Variants in TFDP2 observed in about 807,000 individuals in gnomAD.
TFDP2 encodes the protein transcription factor Dp-2.
A neutral mutation model predicts 59.3 loss-of-function variants in TFDP2; 17 were observed. That is an observed-to-expected ratio of 0.29 (90% CI 0.20 to 0.43). TFDP2 has a LOEUF of 0.43. Ranked by LOEUF, TFDP2 falls within the 20% of genes least tolerant of loss-of-function variation. The pLI is 1.00. For synonymous variants in TFDP2, 180 were observed against 194.7 expected, an observed-to-expected ratio of 0.92 and a Z score of 0.63; for missense variants, 391 against 528.8, an observed-to-expected ratio of 0.74 and a Z score of 2.56.
chr3:142,130,863 C>T (rs2062477622), intron 1 of TFDP2, among the ~76,000 whole-genome samples: 1 of 151,752 alleles, frequency 6.6e-6, no homozygotes, highest in East Asian at 1.9e-4. Flanking sequence ...ACCAGCCTGG[C>T]CAACATGGTG....
chr3:142,123,310 A>G (rs2062117549), intron 1 of TFDP2, among the ~76,000 whole-genome samples: 1 of 152,002 alleles, frequency 6.6e-6, no homozygotes, highest in Admixed American at 6.6e-5. Flanking sequence ...GATTTTTTGT[A>G]TTTTTAGTAG....
chr3:142,041,021 T>C (rs1946940112), intron 3 of TFDP2, among the ~76,000 whole-genome samples: 1 of 152,228 alleles, frequency 6.6e-6, no homozygotes, highest in South Asian at 2.1e-4. Context: ...CAAATTTTAA[T>C]CTGTCTCCTT....
intron 1 of TFDP2, among the ~76,000 whole-genome samples, chr3:142,133,094 C>T (rs2062577777): frequency 6.7e-6 from 1 of 150,222 alleles, no homozygotes; most frequent in Admixed American, 6.6e-5. Flanking sequence ...ACATTAAAAC[C>T]TACTATAAAG....
Position 142,060,184 on chromosome 3 carries a change from A to C in TFDP2, c.82+32877T>G, listed in dbSNP as rs57210429. Among the ~76,000 whole-genome samples, 412 of 152,260 alleles carry C rather than the reference A, an allele frequency of 2.7e-3. 6 individuals carry two copies. The highest frequency in any genetic ancestry group is 0.024 in the East Asian group (123 of 5,170). Reference sequence around the variant, plus strand: ...TGACTGTCTATATGAGGTTATCTTGAGAGAAAGTTCCACTTTGAAAATTTT... The same window carrying C: ...TGACTGTCTATATGAGGTTATCTTGCGAGAAAGTTCCACTTTGAAAATTTT... On this transcript the variant is annotated intron_variant, in intron 3 of 12. Transcript: ENST00000489671.
intron 3 of TFDP2, among the ~76,000 whole-genome samples, chr3:142,044,854 C>T (rs768605956): frequency 7.9e-5 from 12 of 152,140 alleles, no homozygotes; most frequent in Admixed American, 3.3e-4. Flanking sequence ...TCTTTACCTC[C>T]GTGTTCTTGG....
chr3:142,040,900 TAA>T (rs145523054), intron 3 of TFDP2, among the ~76,000 whole-genome samples: 2 of 149,608 alleles, frequency 1.3e-5, no homozygotes, highest in African/African-American at 4.9e-5. Context: ...CAAGACCTTT[TAA>T]AAAAAAAAGA....
intron 3 of TFDP2, among the ~76,000 whole-genome samples, chr3:142,039,071 C>G (rs949047029): frequency 6.6e-6 from 1 of 152,162 alleles, no homozygotes; most frequent in Non-Finnish European, 1.5e-5. Flanking sequence ...TTCCCATATT[C>G]TCTACAACCT....
intron 3 of TFDP2, among the ~76,000 whole-genome samples, chr3:142,084,742 TCTTA>T (rs147336057): frequency 0.085 from 12,935 of 152,160 alleles, 688 homozygotes; most frequent in Middle Eastern, 0.14. Flanking sequence ...CTTCACATGT[TCTTA>T]CTTATTTGTG....
In TFDP2 at chr3:142,149,372, TGCGCGCGCCC is replaced by T. The variant is rs1401433829; in HGVS notation, c.-292_-283del. 2.6e-6 allele frequency: 1 copy of T among 382,986 alleles called. No homozygotes were observed. The highest frequency in any genetic ancestry group is 4.6e-6 in the Non-Finnish European group (1 of 217,004). 23.7% of individuals were successfully genotyped at this position (382,986 alleles called of 1,614,324 possible). A position where few individuals can be genotyped will look rare whatever the true frequency, so the allele number is the denominator to read the frequency against. On this transcript the variant is annotated 5_prime_UTR_variant, in exon 1 of 13. Transcript: ENST00000489671. ...GTTTGAGGCCCCAGAACGCCAACCG[TGCGCGCGCCC>T]TCGAGCCTGCCCAAAGATGAAGGGT...
chr3:142,133,093 C>T lies in TFDP2; in HGVS notation c.-93+16090G>A, dbSNP rs568391929. The stretch of plus-strand genomic sequence containing the variant: ...AGACTAGACTTACCAGACATTAAAA[C>T]CTACTATAAAGCTTCTGTAACTAAA... On this transcript the variant is annotated intron_variant, in intron 1 of 12. Transcript: ENST00000489671. Among the ~76,000 whole-genome samples the T allele has an allele frequency of 3.6e-4, 54 of 150,350 alleles. 5 individuals carry two copies. Among genetic ancestry groups the T allele is most frequent in the African/African-American group, 1.4e-3 (54 of 39,854 alleles).
At chr3:141,975,410 G>C (rs897649520) in intron 7 of TFDP2, among the ~76,000 whole-genome samples, 3 of 151,944 alleles carry the variant, frequency 2.0e-5, no homozygotes, top group African/African-American at 7.2e-5. Flanking sequence ...TCTTGACAAT[G>C]GGCCAGGAGT....
chr3:141,987,547 T>C (rs1340223643), intron 6 of TFDP2, among the ~76,000 whole-genome samples: 2 of 149,408 alleles, frequency 1.3e-5, no homozygotes, highest in Non-Finnish European at 3.0e-5. Context: ...CCTCCCAAAG[T>C]GTTGGGATTA....
At chr3:142,013,224 T>C (rs1208863183) in intron 3 of TFDP2, among the ~76,000 whole-genome samples, 2 of 152,092 alleles carry the variant, frequency 1.3e-5, no homozygotes, top group African/African-American at 4.8e-5. Context: ...CTAAAACAAG[T>C]TGAAGATCTA....
chr3:142,028,744 TTTAG>T, intron 3 of TFDP2: 1 of 984,324 alleles, frequency 1.0e-6, no homozygotes, highest in East Asian at 1.1e-4. Flanking sequence ...AAGAAAACTG[TTTAG>T]TTAACTGGCT....
intron 3 of TFDP2, among the ~76,000 whole-genome samples, chr3:142,018,715 T>A (rs1475188050): frequency 2.0e-5 from 3 of 152,158 alleles, no homozygotes; most frequent in African/African-American, 7.2e-5. Flanking sequence ...AAAGTGGGAC[T>A]ATAGGTGTGA....
chr3:141,994,688 CCTT>C (rs1943098233), intron 5 of TFDP2: 1 of 163,224 alleles, frequency 6.1e-6, no homozygotes, highest in Non-Finnish European at 1.3e-5. Flanking sequence ...ATATTTAACT[CCTT>C]TTCTGTGTGA....
intron 1 of TFDP2, among the ~76,000 whole-genome samples, chr3:142,147,237 A>G (rs2108763702): frequency 6.6e-6 from 1 of 152,296 alleles, no homozygotes; most frequent in Admixed American, 6.5e-5. Flanking sequence ...CCCAGATTAA[A>G]ACGGAAAGGA....
chr3:142,139,508 T>C (rs1018721712), intron 1 of TFDP2, among the ~76,000 whole-genome samples: 3 of 152,312 alleles, frequency 2.0e-5, no homozygotes, highest in African/African-American at 7.2e-5. Flanking sequence ...CTGGTACCGA[T>C]TGTTCCTTTC....
At chr3:142,144,068 G>A (rs566783774) in intron 1 of TFDP2, among the ~76,000 whole-genome samples, 10 of 129,892 alleles carry the variant, frequency 7.7e-5, no homozygotes, top group African/African-American at 2.3e-4. Context: ...GTACTATTTG[G>A]CCATAAAAAA....
Sources: gnomAD v4.1 joint callset for allele counts (sites outside exome capture counted in the v4.1 genomes callset) on GRCh38, gnomAD v4.1.1 for gene constraint, MANE v1.5 for transcripts, NCBI Gene and HGNC (gene_info 2026-07-23, HGNC 2026-07-21) for gene names.